The following ZNF518B variants were observed in gnomAD, a reference collection of about 807,000 sequenced individuals.
ZNF518B encodes the protein zinc finger protein 518B.
Under a neutral mutation model 56.3 loss-of-function variants are expected in ZNF518B, and 23 were observed. That is an observed-to-expected ratio of 0.41 (90% CI 0.29 to 0.58). The LOEUF is 0.58. Among genes scored for constraint, ZNF518B ranks in the 20% least tolerant of loss-of-function variants. The pLI is 0.32. For missense variants in ZNF518B, 1,460 were observed against 1,272.1 expected (o/e 1.15, Z -2.25); for synonymous variants, 529 against 465.9 (o/e 1.14, Z -1.74).
At chr4:10,446,932 AAGTT>A (rs1335423464) in intron 2 of ZNF518B, among the ~76,000 whole-genome samples, 2 of 152,360 alleles carry the variant, frequency 1.3e-5, no homozygotes, top group Admixed American at 6.5e-5. Context: ...ATTTTTGAAC[AAGTT>A]AGTTATCAAG....
At chr4:10,458,773 T>C (rs1715649958), upstream of ZNF518B, among the ~76,000 whole-genome samples, 2 of 152,186 alleles carry the variant, frequency 1.3e-5, no homozygotes, top group Middle Eastern at 3.4e-3. Flanking sequence ...TAGGGTCAAG[T>C]TGGGAAAGGC....
intron 2 of ZNF518B, among the ~76,000 whole-genome samples, chr4:10,450,230 TGATGGGGAA>T (rs1560173791): frequency 6.6e-6 from 1 of 152,336 alleles, no homozygotes; most frequent in South Asian, 2.1e-4. Flanking sequence ...AAATGCAGTG[TGATGGGGAA>T]GGCAGGACAT....
Position 10,442,687 on chromosome 4 carries a change from TG to T in ZNF518B, c.*416del, listed in dbSNP as rs1284800407. 1 of 159,740 alleles carries T rather than the reference TG, an allele frequency of 6.3e-6. No homozygotes were observed. The highest frequency in any genetic ancestry group is 1.4e-5 in the Non-Finnish European group (1 of 72,578). 9.9% of individuals were successfully genotyped at this position (159,740 alleles called of 1,614,324 possible). ...AACACAAATTAAAGCAAAAACAAAA[TG>T]GATGTGCACACCAAAACAAAGGTTT... is the stretch of plus-strand genomic sequence containing the variant. On this transcript the variant is annotated 3_prime_UTR_variant, in exon 3 of 3. Transcript: ENST00000326756.
In ZNF518B at chr4:10,443,421, C is replaced by T; in HGVS notation, c.2908G>A (p.Val970Ile). Residue 970 changes from valine to isoleucine, a missense_variant, in exon 3 of 3, where the codon GTC becomes ATC. By Grantham distance (29) the Val-to-Ile change is conservative (BLOSUM62 3). Transcript: ENST00000326756. ...CTCTCTGATAAAACAACTTTGAGGA[C>T]ATTGCCTTTGTATTTATTTATTACC... ...MKVINKYKGNVLKVVLSERTR... is the reference protein window; with the variant it reads ...MKVINKYKGNILKVVLSERTR... The T allele has an allele frequency of 6.2e-7, 1 of 1,614,234 alleles. No individual in the cohort carries two copies. Among genetic ancestry groups the T allele is most frequent in the Non-Finnish European group, 8.5e-7 (1 of 1,180,042 alleles).
At chr4:10,453,287 T>C (rs1168988490) in intron 2 of ZNF518B, 2 of 152,200 alleles carry the variant, frequency 1.3e-5, no homozygotes, top group Non-Finnish European at 2.9e-5. Flanking sequence ...AGTCCAGTAA[T>C]GTCCAGAGAA....
chr4:10,455,760 T>C (rs11947336), intron 1 of ZNF518B, among the ~76,000 whole-genome samples: 13,593 of 152,232 alleles, frequency 0.089, 1,670 homozygotes, highest in African/African-American at 0.27. Flanking sequence ...CATAGCAAAC[T>C]GTCTACGCAA....
chr4:10,443,150 A>C lies in ZNF518B; in HGVS notation c.3179T>G (p.Ile1060Arg). ...AACATCCCAATCTCTAGTTGCTTCT[A>C]TCAAATGCCGTTGGCCATGACTCAT... ...EWMSHGQRHLIEATRDWDVLS... is the reference protein window; with the variant it reads ...EWMSHGQRHLREATRDWDVLS... The change falls in exon 3 of 3, where the codon ATA (isoleucine) becomes AGA (arginine). Residue 1060 changes from isoleucine (I) to arginine (R), a missense_variant. Ile to Arg is a moderately conservative substitution (Grantham distance 97). Coordinates refer to ENST00000326756, the MANE Select transcript of ZNF518B (RefSeq NM_053042.3). 1 of 1,614,168 alleles carries C rather than the reference A, an allele frequency of 6.2e-7. No homozygotes were observed. The highest frequency in any genetic ancestry group is 8.5e-7 in the Non-Finnish European group (1 of 1,180,004).
In ZNF518B at chr4:10,439,922, T is replaced by C. The variant is rs1394554911; in HGVS notation, c.*3182A>G. ...TTTTTGTTGCTTTATTTAACAAAAT[T>C]TATGCCAACTCCTGTATCTATATAC... On this transcript the variant is annotated 3_prime_UTR_variant, in exon 3 of 3. Coordinates refer to ENST00000326756, the MANE Select transcript of ZNF518B (RefSeq NM_053042.3). 1 of 152,634 alleles carries C rather than the reference T, an allele frequency of 6.6e-6. No individual in the cohort carries two copies. The highest frequency in any genetic ancestry group is 1.9e-4 in the East Asian group (1 of 5,198). The allele number at this position is 152,634 out of a possible 1,614,324, so 9.5% of individuals were successfully genotyped here.
At chr4:10,455,040 G>A (rs1250226027) in intron 1 of ZNF518B, 52 bp from the exon 2 acceptor site, 1 of 152,228 alleles carries the variant, frequency 6.6e-6, no homozygotes, top group African/African-American at 2.4e-5. Context: ...GCACAGCCTT[G>A]GTTTCTCAGA....
intron 2 of ZNF518B, among the ~76,000 whole-genome samples, chr4:10,447,545 G>C (rs565275336): frequency 1.3e-5 from 2 of 152,196 alleles, no homozygotes; most frequent in East Asian, 3.9e-4. Context: ...TGGCAGAGGA[G>C]AGGCTGGAGC....
chr4:10,451,694 A>G (rs1364188077), intron 2 of ZNF518B: 1 of 152,206 alleles, frequency 6.6e-6, no homozygotes, highest in Non-Finnish European at 1.5e-5. Context: ...ATACCGCCCG[A>G]AAGATAATTT....
intron 2 of ZNF518B, chr4:10,453,546 G>A (rs1715411245): frequency 1.4e-5 from 2 of 145,278 alleles, no homozygotes; most frequent in African/African-American, 2.5e-5. Context: ...AGTGCTTGAT[G>A]TCTAAAACTT....
At chr4:10,453,605 T>G (rs1048458567) in intron 2 of ZNF518B, 1 of 152,114 alleles carries the variant, frequency 6.6e-6, no homozygotes, top group Non-Finnish European at 1.5e-5. Context: ...TTGTTAAGCA[T>G]TAAAAATACA....
chr4:10,454,391 C>T (rs1340202301), intron 2 of ZNF518B: 1 of 152,182 alleles, frequency 6.6e-6, no homozygotes, highest in East Asian at 1.9e-4. Flanking sequence ...CTGTTTTATC[C>T]CCACACCTGC....
chr4:10,445,417 G>T lies in ZNF518B; in HGVS notation c.912C>A (p.Asn304Lys). The change falls in exon 3 of 3, where the codon AAC (asparagine) becomes AAA (lysine). Residue 304 changes from asparagine (N) to lysine (K), a missense_variant. Asn to Lys is a moderately conservative substitution (Grantham distance 94, BLOSUM62 0). Coordinates refer to ENST00000326756, the MANE Select transcript of ZNF518B (RefSeq NM_053042.3). ...KMTLSEPNEV[N>K]LFENKNVEVE... The stretch of plus-strand genomic sequence containing the variant: ...CTTCAACATTTTTGTTCTCAAATAG[G>T]TTGACTTCATTTGGCTCAGACAGGG... 1 of 1,614,206 alleles carries T rather than the reference G, an allele frequency of 6.2e-7. No individual in the cohort carries two copies. Among genetic ancestry groups the T allele is most frequent in the South Asian group, 1.1e-5 (1 of 91,078 alleles).
chr4:10,458,369 A>G (rs1435112091), upstream of ZNF518B, among the ~76,000 whole-genome samples: 2 of 152,184 alleles, frequency 1.3e-5, no homozygotes, highest in Non-Finnish European at 1.5e-5. Context: ...GCTGGTTTCC[A>G]TCACCTTCCT....
chr4:10,450,560 G>A (rs1715259453), intron 2 of ZNF518B, among the ~76,000 whole-genome samples: 1 of 149,660 alleles, frequency 6.7e-6, no homozygotes, highest in African/African-American at 2.4e-5. Context: ...AGGCATATCT[G>A]TGTAAAAGCC....
At position 10,444,837 on chromosome 4, in the gene ZNF518B, G is replaced by C. The variant is rs771654743; in HGVS notation, c.1492C>G (p.Leu498Val). ...SVFKNSVLRS[L>V]GAASNPFPYK... is the part of the protein sequence containing the mutation. Reference sequence around the variant, plus strand: ...GGAAAAGGGTTTGATGCAGCTCCAAGACTACGTAAAACACTGTTTTTAAAT... The same window carrying C: ...GGAAAAGGGTTTGATGCAGCTCCAACACTACGTAAAACACTGTTTTTAAAT... The change falls in exon 3 of 3, where the codon CTT becomes GTT. Residue 498 changes from leucine (L) to valine (V), a missense_variant. By Grantham distance (32) the Leu-to-Val change is conservative. Transcript: ENST00000326756. The C allele has an allele frequency of 6.2e-7, 1 of 1,614,004 alleles. No individual in the cohort carries two copies. Among genetic ancestry groups the C allele is most frequent in the Non-Finnish European group, 8.5e-7 (1 of 1,179,962 alleles).
chr4:10,445,021 C>A lies in ZNF518B; in HGVS notation c.1308G>T (p.Arg436Ser). The A allele has an allele frequency of 3.7e-6, 6 of 1,614,146 alleles. No individual in the cohort carries two copies. The highest frequency in any genetic ancestry group is 4.2e-6 in the Non-Finnish European group (5 of 1,180,020). ...AATTTGGCATAATAAAATCATAAGA[C>A]CTTACCCATTTCACATTTTTAAGCT... is the stretch of plus-strand genomic sequence containing the variant. ...QKQLKNVKWV[R>S]SYDFIMPNSS... The change falls in exon 3 of 3, where the codon AGG (arginine) becomes AGT (serine). Residue 436 changes from arginine (R) to serine (S), a missense_variant. Transcript: ENST00000326756.
Sources: allele counts gnomAD v4.1 joint callset (sites outside exome capture counted in the v4.1 genomes callset), GRCh38; gene constraint gnomAD v4.1.1; transcripts MANE v1.5; gene names NCBI Gene and HGNC (gene_info 2026-07-23, HGNC 2026-07-21).